RPS6KA2: variants seen among roughly 807,000 people sequenced by gnomAD.
RPS6KA2 encodes ribosomal protein S6 kinase alpha-2.
A neutral mutation model predicts 91.8 loss-of-function variants in RPS6KA2; 42 were observed. The ratio of observed to expected loss-of-function variants is 0.46; its 90% CI spans 0.36 to 0.59. RPS6KA2 has a LOEUF of 0.59. RPS6KA2 is among the 20% of genes least tolerant of loss of function. The pLI is 0.00. For missense variants in RPS6KA2, 798 were observed against 978.5 expected, an observed-to-expected ratio of 0.82 and a Z score of 2.46; for synonymous variants, 414 against 393.6, an observed-to-expected ratio of 1.05 and a Z score of -0.61.
At chr6:166,520,517 A>G (rs1782820286) in intron 3 of RPS6KA2, among the ~76,000 whole-genome samples, 1 of 152,214 alleles carries the variant, frequency 6.6e-6, no homozygotes, top group Admixed American at 6.5e-5. Flanking sequence ...CCTCTAAGAA[A>G]TGTATATCCA....
At chr6:166,836,468 T>A (rs1780318834) in intron 2 of RPS6KA2, among the ~76,000 whole-genome samples, 1 of 131,454 alleles carries the variant, frequency 7.6e-6, no homozygotes, top group Admixed American at 7.8e-5. Flanking sequence ...ATTTTCTATT[T>A]TTCTACCTCC....
intron 1 of RPS6KA2, among the ~76,000 whole-genome samples, chr6:166,602,431 C>T (rs1785777922): frequency 6.6e-6 from 1 of 152,196 alleles, no homozygotes; most frequent in Non-Finnish European, 1.5e-5. Flanking sequence ...TTCATGGCAG[C>T]ACTGCTCTCA....
In RPS6KA2 at chr6:166,582,235, C is replaced by G. The variant is rs996004990; in HGVS notation, c.100-43451G>C. On this transcript the variant is annotated intron_variant, in intron 1 of 20. Coordinates refer to ENST00000265678, the MANE Select transcript of RPS6KA2 (RefSeq NM_021135.6). Reference sequence around the variant, plus strand: ...GGCAGGTGGGGTGAGCAGGAGGGCACAGAGAGGGTGAGCACAGTGGCCACT... The same window carrying G: ...GGCAGGTGGGGTGAGCAGGAGGGCAGAGAGAGGGTGAGCACAGTGGCCACT... Among the ~76,000 whole-genome samples, 5 of 152,034 alleles carry G rather than the reference C, an allele frequency of 3.3e-5. 1 individual carries two copies. The highest frequency in any genetic ancestry group is 3.3e-4 in the Admixed American group (5 of 15,264).
intron 16 of RPS6KA2, among the ~76,000 whole-genome samples, chr6:166,427,485 T>A (rs1222079863): frequency 2.0e-5 from 3 of 151,864 alleles, no homozygotes; most frequent in Non-Finnish European, 3.0e-5. Context: ...TAAAGGGTAT[T>A]CAATTAGGAA....
At chr6:166,655,536 G>A (rs1787977249) in intron 2 of RPS6KA2, among the ~76,000 whole-genome samples, 1 of 152,218 alleles carries the variant, frequency 6.6e-6, no homozygotes, top group Non-Finnish European at 1.5e-5. Context: ...TGGGCTGGAG[G>A]CTACACACCT....
chr6:166,523,304 C>G lies in RPS6KA2; in HGVS notation c.298+7928G>C, dbSNP rs1007102483. Among the ~76,000 whole-genome samples, 76 of 152,300 alleles carry G rather than the reference C, an allele frequency of 5.0e-4. 1 individual carries two copies. The highest frequency in any genetic ancestry group is 1.7e-3 in the African/African-American group (72 of 41,556). On this transcript the variant is annotated intron_variant, in intron 3 of 20. Transcript: ENST00000265678. ...GAGACATTTTCATTTTGTTTGTCATCTTATGCAATTAAATGGGAAATGAAT... is the reference window on the plus strand; with the variant it reads ...GAGACATTTTCATTTTGTTTGTCATGTTATGCAATTAAATGGGAAATGAAT...
intron 2 of RPS6KA2, among the ~76,000 whole-genome samples, chr6:166,535,443 C>T (rs1158868429): frequency 6.6e-6 from 1 of 152,228 alleles, no homozygotes; most frequent in Non-Finnish European, 1.5e-5. Context: ...CCAGCAAAGT[C>T]AGAGAAAGCA....
chr6:166,485,666 G>A (rs557063399), intron 10 of RPS6KA2, among the ~76,000 whole-genome samples: 2 of 152,116 alleles, frequency 1.3e-5, no homozygotes, highest in Admixed American at 6.5e-5. Context: ...CTCCAAACAC[G>A]CCCTCAGAGT....
At chr6:166,539,498 CCTT>C (rs1783587139) in intron 1 of RPS6KA2, among the ~76,000 whole-genome samples, 1 of 152,166 alleles carries the variant, frequency 6.6e-6, no homozygotes, top group Non-Finnish European at 1.5e-5. Context: ...GGCTTGTCCT[CCTT>C]CTCCTTCTGA....
chr6:166,479,629 C>A (rs1193746878), intron 10 of RPS6KA2, among the ~76,000 whole-genome samples: 1 of 152,258 alleles, frequency 6.6e-6, no homozygotes, highest in Non-Finnish European at 1.5e-5. Context: ...TCTCTGGCAT[C>A]AAATGTTTCT....
chr6:166,598,344 G>A lies in RPS6KA2; in HGVS notation c.99+28577C>T, dbSNP rs151228066. 1.8e-4 allele frequency among the ~76,000 whole-genome samples: 28 copies of A among 152,268 alleles called. No individual in the cohort carries two copies. In the East Asian group the frequency reaches 4.2e-3, roughly 23 times the overall value. Reference sequence around the variant, plus strand: ...AAGGCAATGGGGGCAGACAGACCACGCTTTTATTTTCTTATAGGCATTTAT... The same window carrying A: ...AAGGCAATGGGGGCAGACAGACCACACTTTTATTTTCTTATAGGCATTTAT... On this transcript the variant is annotated intron_variant, in intron 1 of 20. Coordinates refer to ENST00000265678, the MANE Select transcript of RPS6KA2 (RefSeq NM_021135.6).
chr6:166,507,700 A>G (rs1341375399), intron 5 of RPS6KA2, among the ~76,000 whole-genome samples: 1 of 149,010 alleles, frequency 6.7e-6, no homozygotes. Flanking sequence ...ACATATACAC[A>G]TAGCACACAC....
intron 1 of RPS6KA2, among the ~76,000 whole-genome samples, chr6:166,584,092 C>G (rs34545785): frequency 6.6e-5 from 10 of 152,232 alleles, no homozygotes; most frequent in Non-Finnish European, 1.5e-4. Flanking sequence ...GCTGCCATAA[C>G]AAAGTACTAT....
At chr6:166,574,685 T>C (rs1784789975) in intron 1 of RPS6KA2, among the ~76,000 whole-genome samples, 1 of 152,224 alleles carries the variant, frequency 6.6e-6, no homozygotes, top group Non-Finnish European at 1.5e-5. Context: ...AGTAATGGAA[T>C]TGGTGTGGTA....
intron 2 of RPS6KA2, among the ~76,000 whole-genome samples, chr6:166,652,526 G>A (rs950009100): frequency 2.6e-5 from 4 of 152,084 alleles, no homozygotes; most frequent in Admixed American, 2.6e-4. Flanking sequence ...AACTGGACAC[G>A]TTTCTTGACT....
intron 3 of RPS6KA2, among the ~76,000 whole-genome samples, chr6:166,529,302 T>C (rs1740830562): frequency 6.6e-6 from 1 of 152,222 alleles, no homozygotes; most frequent in South Asian, 2.1e-4. Flanking sequence ...GCCATCATTC[T>C]GAGCAAACTA....
intron 2 of RPS6KA2, among the ~76,000 whole-genome samples, chr6:166,839,701 A>ACG (rs372000333): frequency 1.7e-5 from 2 of 116,342 alleles, no homozygotes; most frequent in Admixed American, 8.4e-5. Context: ...AGGGGAGGAG[A>ACG]GGAGAGGAGA....
chr6:166,620,741 AG>A (rs1786595012), intron 1 of RPS6KA2, among the ~76,000 whole-genome samples: 1 of 152,278 alleles, frequency 6.6e-6, no homozygotes, highest in Non-Finnish European at 1.5e-5. Flanking sequence ...TGTCCTGACA[AG>A]GCACATTTCA....
At chr6:166,645,523 C>A (rs565324968) in intron 2 of RPS6KA2, among the ~76,000 whole-genome samples, 2 of 152,176 alleles carry the variant, frequency 1.3e-5, no homozygotes, top group African/African-American at 4.8e-5. Flanking sequence ...CACCTCTGTC[C>A]CTCTCCTAGG....
Sources: gnomAD v4.1 joint callset for allele counts (sites outside exome capture counted in the v4.1 genomes callset) on GRCh38, gnomAD v4.1.1 for gene constraint, MANE v1.5 for transcripts, NCBI Gene and HGNC (gene_info 2026-07-23, HGNC 2026-07-21) for gene names.